LRP6: variants seen among roughly 807,000 people sequenced by gnomAD.
The protein encoded by LRP6 is LDL receptor related protein 6.
LRP6 carries 43 observed loss-of-function variants against 184.1 expected under a neutral mutation model. The observed-to-expected ratio is 0.23, with a 90% CI of 0.18 to 0.30. The LOEUF is 0.30. Ranked by LOEUF, LRP6 falls within the 10% of genes least tolerant of loss-of-function variation. The pLI is 1.00. For synonymous variants in LRP6, 719 were observed against 684.9 expected (o/e 1.05, Z -0.78); for missense variants, 1,571 against 2,005.3 (o/e 0.78, Z 4.14).
chr12:12,213,448 G>A (rs1411903026), intron 2 of LRP6, among the ~76,000 whole-genome samples: 1 of 151,584 alleles, frequency 6.6e-6, no homozygotes, highest in African/African-American at 2.4e-5. Context: ...TATATATCAA[G>A]GCTAACTCTA....
At position 12,164,688 on chromosome 12, in the gene LRP6, T is replaced by G. The variant is rs536312766; in HGVS notation, c.1763-126A>C. 3.6e-6 allele frequency: 3 copies of G among 843,322 alleles called. No individual in the cohort carries two copies. In the African/African-American group the frequency reaches 5.1e-5, roughly 14 times the overall value. 52.2% of individuals were successfully genotyped at this position (843,322 alleles called of 1,614,324 possible). On this transcript the variant is annotated intron_variant, in intron 8 of 22. Transcript: ENST00000261349. Reference sequence around the variant, plus strand: ...CTATGATTATGTCTTGCTCCCAATCTCAAGTTTCAATTCTAATATCACAAA... The same window carrying G: ...CTATGATTATGTCTTGCTCCCAATCGCAAGTTTCAATTCTAATATCACAAA...
At chr12:12,157,439 T>A (rs1174947158) in intron 12 of LRP6, among the ~76,000 whole-genome samples, 1 of 152,138 alleles carries the variant, frequency 6.6e-6, no homozygotes, top group Admixed American at 6.5e-5. Flanking sequence ...ATCTTTAATC[T>A]TCATAACAAC....
At chr12:12,138,582 T>C in intron 15 of LRP6, 48 bp from the exon 16 acceptor site, 1 of 1,514,838 alleles carries the variant, frequency 6.6e-7, no homozygotes, top group Non-Finnish European at 9.2e-7. Flanking sequence ...TGGGTCAAGT[T>C]ATACTTTTGG....
intron 19 of LRP6, among the ~76,000 whole-genome samples, chr12:12,127,235 TTAAA>T (rs1230836021): frequency 2.6e-5 from 4 of 152,096 alleles, no homozygotes; most frequent in Non-Finnish European, 5.9e-5. Flanking sequence ...TTAAGAAGCT[TTAAA>T]TAAATAAACA....
chr12:12,230,763 C>T (rs989723748), intron 2 of LRP6, among the ~76,000 whole-genome samples: 1 of 152,152 alleles, frequency 6.6e-6, no homozygotes, highest in Non-Finnish European at 1.5e-5. Flanking sequence ...TCTAGAACTA[C>T]TGGTGAATCT....
chr12:12,231,625 C>A (rs1202235266), intron 2 of LRP6, among the ~76,000 whole-genome samples: 3 of 151,926 alleles, frequency 2.0e-5, no homozygotes, highest in Non-Finnish European at 4.4e-5. Flanking sequence ...CAAACTAAGC[C>A]GGGCACAGTG....
At chr12:12,214,809 T>C (rs1864296896) in intron 2 of LRP6, among the ~76,000 whole-genome samples, 1 of 152,226 alleles carries the variant, frequency 6.6e-6, no homozygotes, top group Non-Finnish European at 1.5e-5. Flanking sequence ...GTCTTAAAGC[T>C]TGAATCTTAC....
intron 11 of LRP6, 56 bp from the exon 12 acceptor site, chr12:12,159,211 A>C: frequency 7.5e-7 from 1 of 1,327,106 alleles, no homozygotes; most frequent in East Asian, 2.3e-5. Flanking sequence ...ATATGTGAGA[A>C]TACAAGTGTC....
At chr12:12,164,944 AAAAAAAAAAAAG>A (rs1862837380) in intron 8 of LRP6, 123 bp downstream of exon 8, 2 of 445,706 alleles carry the variant, frequency 4.5e-6, no homozygotes, top group Admixed American at 4.2e-5. Context: ...AAAAAAAAAA[AAAAAAAAAAAAG>A]GCGGGGGGGC....
At chr12:12,149,862 G>A (rs1950058859) in intron 13 of LRP6, among the ~76,000 whole-genome samples, 2 of 152,106 alleles carry the variant, frequency 1.3e-5, no homozygotes, top group African/African-American at 2.4e-5. Flanking sequence ...GTATCTTACT[G>A]GTATCTCTGA....
chr12:12,233,228 G>A (rs1864837765), intron 2 of LRP6, among the ~76,000 whole-genome samples: 1 of 152,148 alleles, frequency 6.6e-6, no homozygotes, highest in Admixed American at 6.5e-5. Flanking sequence ...AGCACTTTGG[G>A]AAGCCAAGGT....
rs775643621 is a variant in LRP6, at chr12:12,138,879, G to C, written c.3398-345C>G. The C allele has an allele frequency of 6.5e-6, 9 of 1,374,258 alleles. No individual in the cohort carries two copies. In the East Asian group the frequency reaches 4.0e-4, roughly 61 times the overall value. The allele number at this position is 1,374,258 out of a possible 1,614,324, so 85.1% of individuals were successfully genotyped here. On this transcript the variant is annotated intron_variant, in intron 15 of 22. Coordinates refer to ENST00000261349, the MANE Select transcript of LRP6 (RefSeq NM_002336.3). The stretch of plus-strand genomic sequence containing the variant: ...TGGAGGAGCAGTGGTGGTGGACCCA[G>C]AGTTCTGAGTATACCTGAGGCATTT...
At chr12:12,140,202 A>C (rs1949909427) in intron 15 of LRP6, among the ~76,000 whole-genome samples, 5 of 152,094 alleles carry the variant, frequency 3.3e-5, no homozygotes. Flanking sequence ...CAATTAAAAA[A>C]AAAACAAAAA....
Position 12,137,584 on chromosome 12 carries a change from G to A in LRP6, c.3607+741C>T, listed in dbSNP as rs548107051. Among the ~76,000 whole-genome samples, 39 of 151,944 alleles carry A rather than the reference G, an allele frequency of 2.6e-4. No homozygotes were observed. In the South Asian group the frequency reaches 7.9e-3, roughly 31 times the overall value. On this transcript the variant is annotated intron_variant, in intron 16 of 22. Coordinates refer to ENST00000261349, the MANE Select transcript of LRP6 (RefSeq NM_002336.3). ...CTAATTTTTAGTTTGTTTTGCCTAA[G>A]AATAAGATTAACCCATTATAACTAT...
In LRP6 at chr12:12,124,372, C is replaced by CA. The variant is rs35569303; in HGVS notation, c.4547+192dup. 0.075 allele frequency among the ~76,000 whole-genome samples: 11,406 copies of CA among 151,708 alleles called. 509 individuals carry two copies. Among genetic ancestry groups the CA allele is most frequent in the Admixed American group, 0.11 (1,686 of 15,224 alleles). On this transcript the variant is annotated intron_variant, in intron 22 of 22. Transcript: ENST00000261349. ...TGGGCAACAAGAGCGAAATCCATCT[C>CA]AAAAAATTAAAAAAAAAGTATAACG...
At chr12:12,250,484 T>A (rs75200256) in intron 1 of LRP6, among the ~76,000 whole-genome samples, 7,468 of 111,214 alleles carry the variant, frequency 0.067, 190 homozygotes, top group Middle Eastern at 0.2. Flanking sequence ...TGATATTAGC[T>A]TTTTTTTTTT....
rs1012450687 is a variant in LRP6 at position 12,238,108 on chromosome 12, A to G, written c.449+6154T>C. Among the ~76,000 whole-genome samples the G allele has an allele frequency of 2.0e-5, 3 of 152,254 alleles. No individual in the cohort carries two copies. The South Asian group carries it at 6.2e-4, about 32-fold the overall frequency. On this transcript the variant is annotated intron_variant, in intron 2 of 22. Coordinates refer to ENST00000261349, the MANE Select transcript of LRP6 (RefSeq NM_002336.3). ...AATTTCTTCATAAGGGGGCACAAGG[A>G]ACTTCTAAAAAAATTAAAATATAGT...
Position 12,231,180 on chromosome 12 carries a change from CAAAAA to C in LRP6, c.449+13077_449+13081del, listed in dbSNP as rs10661340. ...TGGATGACAGAGCAAGACTCCATCT[CAAAAA>C]AAAAAAAAAAAAAAAAAAAAAAAGC... On this transcript the variant is annotated intron_variant, in intron 2 of 22. Coordinates refer to ENST00000261349, the MANE Select transcript of LRP6 (RefSeq NM_002336.3). 3.4e-3 allele frequency among the ~76,000 whole-genome samples: 80 copies of C among 23,544 alleles called. 1 individual carries two copies. Among genetic ancestry groups the C allele is most frequent in the African/African-American group, 0.016 (72 of 4,434 alleles). 15.4% of individuals were successfully genotyped at this position (23,544 alleles called of 152,430 possible).
intron 3 of LRP6, among the ~76,000 whole-genome samples, chr12:12,198,975 C>T (rs1863843968): frequency 6.6e-6 from 1 of 151,960 alleles, no homozygotes; most frequent in Non-Finnish European, 1.5e-5. Context: ...AGAAAACTAG[C>T]TACACAATGC....
Sources: gnomAD v4.1 joint callset for allele counts (sites outside exome capture counted in the v4.1 genomes callset) on GRCh38, gnomAD v4.1.1 for gene constraint, MANE v1.5 for transcripts, NCBI Gene and HGNC (gene_info 2026-07-23, HGNC 2026-07-21) for gene names.